SNX5: variants seen among roughly 807,000 people sequenced by gnomAD.
The protein encoded by SNX5 is sorting nexin 5, also known as sorting nexin-5.
In SNX5, 31 loss-of-function variants were observed where a neutral mutation model predicts 53.9. The ratio of observed to expected loss-of-function variants is 0.58; its 90% CI spans 0.43 to 0.78. The LOEUF is 0.78. Among genes scored for constraint, SNX5 ranks in the 30% least tolerant of loss-of-function variants. SNX5 has a pLI of 0.00. For synonymous variants in SNX5, 168 were observed against 171.1 expected, an observed-to-expected ratio of 0.98 and a Z score of 0.14; for missense variants, 471 against 478.8, an observed-to-expected ratio of 0.98 and a Z score of 0.15.
At chr20:17,943,062 TG>T (rs766816327) in intron 12 of SNX5, 47 bp downstream of exon 12, 1 of 1,342,256 alleles carries the variant, frequency 7.5e-7, no homozygotes, top group East Asian at 2.3e-5. Context: ...GGAAATAACT[TG>T]GAAAAAACCA....
intron 10 of SNX5, among the ~76,000 whole-genome samples, chr20:17,948,371 G>GT (rs575772861): frequency 2.1e-4 from 32 of 152,316 alleles, no homozygotes; most frequent in African/African-American, 6.7e-4. Context: ...TTGCATGATG[G>GT]GGGGAAAAAT....
chr20:17,951,796 G>A (rs2039572479), intron 5 of SNX5, among the ~76,000 whole-genome samples: 1 of 152,212 alleles, frequency 6.6e-6, no homozygotes, highest in Non-Finnish European at 1.5e-5. Context: ...ATTCTAAAAG[G>A]CTTGACAGAT....
chr20:17,941,742 GACC>G lies in SNX5; in HGVS notation c.*612_*614del, dbSNP rs2039419015. The G allele has an allele frequency of 6.6e-6, 1 of 151,902 alleles. No homozygotes were observed. Among genetic ancestry groups the G allele is most frequent in the African/African-American group, 2.4e-5 (1 of 41,294 alleles). The allele number at this position is 151,902 out of a possible 1,614,324, so 9.4% of individuals were successfully genotyped here. On this transcript the variant is annotated 3_prime_UTR_variant, in exon 13 of 13. Transcript: ENST00000377759. ...GTAGATCTGGCCATCTTATAAAGCA[GACC>G]ACATTATTTGTTTCCATATATACCT...
At chr20:17,953,905 A>G in intron 4 of SNX5, 91 bp downstream of exon 4, 1 of 1,158,928 alleles carries the variant, frequency 8.6e-7, no homozygotes, top group Non-Finnish European at 1.2e-6. Flanking sequence ...CACTTAAAAC[A>G]AAATTAAGTC....
chr20:17,948,466 C>T (rs2039516196), intron 10 of SNX5, among the ~76,000 whole-genome samples: 1 of 152,224 alleles, frequency 6.6e-6, no homozygotes, highest in Non-Finnish European at 1.5e-5. Context: ...TGATTTAATA[C>T]ATTTCACATA....
At chr20:17,949,140 AATCATC>A (rs758448713) in intron 8 of SNX5, 37 bp from the exon 9 acceptor site, 131 of 1,553,820 alleles carry the variant, frequency 8.4e-5, no homozygotes, top group Non-Finnish European at 1.1e-4. Context: ...TAAGGTCTTA[AATCATC>A]TATAAAACAT....
At position 17,968,560 on chromosome 20, in the gene SNX5, C is replaced by T. The variant is rs372501690; in HGVS notation, c.-135G>A. On this transcript the variant is annotated 5_prime_UTR_variant, in exon 1 of 13. Coordinates refer to ENST00000377759, the MANE Select transcript of SNX5 (RefSeq NM_014426.4). ...CGCCGGCCTCCCTGCCCGACGGCGG[C>T]AGGAGGCCTCCGGACTCCGCCACCA... 6.2e-6 allele frequency: 5 copies of T among 809,556 alleles called. No individual in the cohort carries two copies. Among genetic ancestry groups the T allele is most frequent in the South Asian group, 5.4e-5 (3 of 55,952 alleles). The allele number at this position is 809,556 out of a possible 1,614,324, so 50.1% of individuals were successfully genotyped here.
intron 4 of SNX5, among the ~76,000 whole-genome samples, chr20:17,953,149 C>T (rs1231447642): frequency 2.6e-5 from 4 of 152,132 alleles, no homozygotes; most frequent in Non-Finnish European, 5.9e-5. Context: ...ACGGTAGAAA[C>T]TTGGATCTGT....
chr20:17,962,594 C>T (rs1202241995), intron 1 of SNX5: 2 of 349,910 alleles, frequency 5.7e-6, no homozygotes, highest in Non-Finnish European at 5.6e-6. Context: ...TTCTTAGTCC[C>T]CCAAGGAAAA....
intron 1 of SNX5, among the ~76,000 whole-genome samples, chr20:17,957,631 G>A (rs748187020): frequency 1.3e-5 from 2 of 152,106 alleles, no homozygotes; most frequent in Non-Finnish European, 2.9e-5. Context: ...GTACACTAAG[G>A]CCTGAACTAA....
Position 17,962,652 on chromosome 20 carries a change from A to G in SNX5, c.52-5615T>C, listed in dbSNP as rs2035476282. On this transcript the variant is annotated intron_variant, in intron 1 of 12. Transcript: ENST00000377759. ...AAGATCTCAGTCTACTAACATAGCT[A>G]ATAGCTATTAAAGCTACTCAGGCAT... is the stretch of plus-strand genomic sequence containing the variant. The G allele has an allele frequency of 1.2e-5, 6 of 513,194 alleles. No individual in the cohort carries two copies. The Admixed American group carries it at 1.2e-4, about 10-fold the overall frequency. 31.8% of individuals were successfully genotyped at this position (513,194 alleles called of 1,614,324 possible). A position where few individuals can be genotyped will look rare whatever the true frequency, so the allele number is the denominator to read the frequency against.
rs2039444986 is a variant in SNX5, at chr20:17,943,481, C to T, written c.1079-286G>A. On this transcript the variant is annotated intron_variant, in intron 11 of 12. Transcript: ENST00000377759. ...GAGAACACGTTGATGAGCAGCCTCACTCTCACCCTCTAGGTACCAGTGACT... is the reference window on the plus strand; with the variant it reads ...GAGAACACGTTGATGAGCAGCCTCATTCTCACCCTCTAGGTACCAGTGACT... 11 of 362,414 alleles carry T rather than the reference C, an allele frequency of 3.0e-5. No individual in the cohort carries two copies. In the South Asian group the frequency reaches 3.1e-4, roughly 10 times the overall value. 22.4% of individuals were successfully genotyped at this position (362,414 alleles called of 1,614,324 possible).
At chr20:17,961,596 T>A (rs1329591800) in intron 1 of SNX5, 1 of 951,840 alleles carries the variant, frequency 1.1e-6, no homozygotes, top group Admixed American at 6.6e-5. Flanking sequence ...ATATCCCACA[T>A]AAATTACTAC....
rs1169305519 is a variant in SNX5 at position 17,941,714 on chromosome 20, A to G, written c.*643T>C. 6.6e-6 allele frequency: 1 copy of G among 152,264 alleles called. No individual in the cohort carries two copies. The highest frequency in any genetic ancestry group is 2.4e-5 in the African/African-American group (1 of 41,418). The allele number at this position is 152,264 out of a possible 1,614,324, so 9.4% of individuals were successfully genotyped here. Reference sequence around the variant, plus strand: ...TAGGGAGGGGGCTTATACTTTTCCTAATGTAGATCTGGCCATCTTATAAAG... The same window carrying G: ...TAGGGAGGGGGCTTATACTTTTCCTGATGTAGATCTGGCCATCTTATAAAG... On this transcript the variant is annotated 3_prime_UTR_variant, in exon 13 of 13. Transcript: ENST00000377759.
At chr20:17,965,101 CAA>C (rs2035516837) in intron 1 of SNX5, among the ~76,000 whole-genome samples, 1 of 152,182 alleles carries the variant, frequency 6.6e-6, no homozygotes, top group African/African-American at 2.4e-5. Flanking sequence ...AACAAGCACA[CAA>C]AGACTAGCTT....
chr20:17,949,200 C>T, intron 8 of SNX5, 97 bp from the exon 9 acceptor site: 1 of 973,370 alleles, frequency 1.0e-6, no homozygotes, highest in Non-Finnish European at 1.6e-6. Flanking sequence ...ACTCAGGAGT[C>T]CTAGCCTTTG....
chr20:17,966,948 T>C (rs2035548212), intron 1 of SNX5, among the ~76,000 whole-genome samples: 3 of 152,194 alleles, frequency 2.0e-5, no homozygotes. Flanking sequence ...TTTATTTTTA[T>C]TGTCTCTTTA....
In SNX5 at chr20:17,961,024, C is replaced by T. The variant is rs112919844; in HGVS notation, c.52-3987G>A. The T allele has an allele frequency of 1.8e-3, 961 of 535,762 alleles. 8 individuals carry two copies. The African/African-American group carries it at 0.019, about 10-fold the overall frequency. The allele number at this position is 535,762 out of a possible 1,614,324, so 33.2% of individuals were successfully genotyped here. On this transcript the variant is annotated intron_variant, in intron 1 of 12. Transcript: ENST00000377759. ...CCTTCACGGTAAACAAGCACGGCTT[C>T]ATTTGGAAAGCACATTTTCAACTGT...
At chr20:17,961,534 A>G in intron 1 of SNX5, 3 of 985,256 alleles carry the variant, frequency 3.0e-6, no homozygotes, top group Non-Finnish European at 3.6e-6. Context: ...ATTTGTATAC[A>G]ATGTAAGACA....
Sources: gnomAD v4.1 joint callset for allele counts (sites outside exome capture counted in the v4.1 genomes callset) on GRCh38, gnomAD v4.1.1 for gene constraint, MANE v1.5 for transcripts, NCBI Gene and HGNC (gene_info 2026-07-23, HGNC 2026-07-21) for gene names.